The following BBIP1 variants were observed in gnomAD, a reference collection of about 807,000 sequenced individuals.
BBIP1 encodes the protein BBSome interacting protein 1.
BBIP1 carries 6 observed loss-of-function variants against 8.9 expected under a neutral mutation model. The ratio of observed to expected loss-of-function variants is 0.67; its 90% CI spans 0.37 to 1.33. The LOEUF (loss-of-function observed/expected upper bound fraction) is 1.33, where lower values mean the gene tolerates loss of function less well. BBIP1 is among the 40% of genes most tolerant of loss of function. The probability of loss-of-function intolerance (pLI) is 0.02; values close to 1 mark genes in which losing one functional copy is unlikely to be tolerated. For missense variants in BBIP1, 111 were observed against 109.2 expected, an observed-to-expected ratio of 1.02 and a Z score of -0.07; for synonymous variants, 32 against 33.4, an observed-to-expected ratio of 0.96 and a Z score of 0.14.
intron 2 of BBIP1, chr10:110,907,943 T>A (rs553410315): frequency 1.8e-6 from 1 of 566,446 alleles, no homozygotes; most frequent in South Asian, 2.3e-5. Flanking sequence ...GAGTATATAT[T>A]GTTTCCTAAA....
intron 3 of BBIP1, chr10:110,901,108 A>G: frequency 4.4e-6 from 2 of 454,920 alleles, no homozygotes; most frequent in Non-Finnish European, 8.8e-6. Context: ...TAGGCAACAC[A>G]TTGAGATCCC....
Position 110,899,707 on chromosome 10 carries a change from G to C in BBIP1, c.*653C>G, listed in dbSNP as rs1324275923. On this transcript the variant is annotated 3_prime_UTR_variant, in exon 4 of 4. Transcript: ENST00000448814. ...AGCTACTTGGGAGGCTGAGGCAGGA[G>C]AATTGCTTGAACCTGGGAGGCAGAG... 6 of 151,856 alleles carry C rather than the reference G, an allele frequency of 4.0e-5. No individual in the cohort carries two copies. The highest frequency in any genetic ancestry group is 1.5e-4 in the African/African-American group (6 of 41,252). 9.4% of individuals were successfully genotyped at this position (151,856 alleles called of 1,614,324 possible).
chr10:110,907,923 CAG>C (rs1301345508), intron 2 of BBIP1: 5 of 593,968 alleles, frequency 8.4e-6, no homozygotes, highest in African/African-American at 3.8e-5. Context: ...ACATTTCAAA[CAG>C]GGGAGTTGAG....
At chr10:110,909,746 T>C (rs992303630) in intron 2 of BBIP1, among the ~76,000 whole-genome samples, 11 of 152,206 alleles carry the variant, frequency 7.2e-5, no homozygotes, top group East Asian at 1.9e-4. Flanking sequence ...AAATAAGCAC[T>C]GGACAGTAAA....
chr10:110,904,897 T>C (rs1846092811), intron 2 of BBIP1: 1 of 152,222 alleles, frequency 6.6e-6, no homozygotes, highest in African/African-American at 2.4e-5. Context: ...AAAATGAAAT[T>C]ATTCTTACAT....
At chr10:110,903,827 T>C (rs1846065711) in intron 2 of BBIP1, 1 of 152,244 alleles carries the variant, frequency 6.6e-6, no homozygotes, top group Admixed American at 6.5e-5. Context: ...TACATGTTAC[T>C]GTACTGAATA....
chr10:110,908,128 G>A, intron 2 of BBIP1: 1 of 176,786 alleles, frequency 5.7e-6, no homozygotes, highest in Non-Finnish European at 1.2e-5. Context: ...TTTGAAATTA[G>A]TAAAAGCTGT....
Position 110,900,489 on chromosome 10 carries a change from C to T in BBIP1, c.150G>A (p.Leu50=), listed in dbSNP as rs767511014. ...TTAAGGGTAAAAGTTTGGGTTTACA[C>T]AGCACCATTGTCATTATATCTTCCA... ...LFVEDIMTMV[L]CKPKLLPLKS... Residue 50 remains leucine (L), a synonymous_variant, in exon 4 of 4, where the codon CTG becomes CTA. Transcript: ENST00000448814. The T allele has an allele frequency of 1.8e-5, 28 of 1,535,494 alleles. 1 individual carries two copies. Among genetic ancestry groups the T allele is most frequent in the South Asian group, 1.8e-4 (15 of 84,006 alleles).
intron 2 of BBIP1, chr10:110,908,032 A>T (rs1264532801): frequency 1.1e-5 from 4 of 378,284 alleles, no homozygotes; most frequent in Non-Finnish European, 1.9e-5. Context: ...TTCCTAGGGC[A>T]ATGTCACTTT....
intron 3 of BBIP1, 109 bp downstream of exon 3, chr10:110,901,429 G>A (rs1845999371): frequency 1.1e-5 from 8 of 743,982 alleles, no homozygotes; most frequent in South Asian, 4.5e-5. Flanking sequence ...GAGATAATAC[G>A]GAACACAATA....
At chr10:110,904,925 T>C (rs977242895) in intron 2 of BBIP1, 3 of 152,256 alleles carry the variant, frequency 2.0e-5, no homozygotes, top group Admixed American at 6.5e-5. Context: ...ACCAAACTTA[T>C]AATGCTCACA....
At chr10:110,914,704 T>C (rs995808641) in intron 2 of BBIP1, among the ~76,000 whole-genome samples, 5 of 152,206 alleles carry the variant, frequency 3.3e-5, no homozygotes, top group Non-Finnish European at 7.3e-5. Flanking sequence ...ATTTAGCTAA[T>C]TAATTCAAGC....
chr10:110,904,445 C>T (rs1431910367), intron 2 of BBIP1: 1 of 152,158 alleles, frequency 6.6e-6, no homozygotes, highest in Non-Finnish European at 1.5e-5. Context: ...AGAAGAAAAT[C>T]ATGATGACCT....
At chr10:110,902,938 G>C (rs575179444) in intron 2 of BBIP1, 23 of 150,006 alleles carry the variant, frequency 1.5e-4, no homozygotes, top group African/African-American at 4.9e-4. Flanking sequence ...TTTTTTTCCA[G>C]GTTAGGATGA....
intron 2 of BBIP1, chr10:110,907,842 A>G (rs1846183669): frequency 1.5e-6 from 1 of 682,276 alleles, no homozygotes; most frequent in Admixed American, 2.3e-5. Flanking sequence ...AAGCCCTGGG[A>G]AGGAAAAAAG....
chr10:110,901,710 T>C, intron 2 of BBIP1, 98 bp from the exon 3 acceptor site: 1 of 912,694 alleles, frequency 1.1e-6, no homozygotes, highest in Middle Eastern at 2.1e-4. Flanking sequence ...CAAATTCCTA[T>C]AGAAAGTGAA....
At chr10:110,901,892 A>G in intron 2 of BBIP1, 2 of 372,522 alleles carry the variant, frequency 5.4e-6, no homozygotes, top group South Asian at 6.0e-5. Flanking sequence ...TCAGTTTTTA[A>G]GGCAAAGATG....
At chr10:110,908,512 C>T (rs1428752423) in intron 2 of BBIP1, among the ~76,000 whole-genome samples, 1 of 152,182 alleles carries the variant, frequency 6.6e-6, no homozygotes, top group Admixed American at 6.5e-5. Flanking sequence ...TTTAATTCAG[C>T]ATCAAACTTA....
rs147607069 is a variant in BBIP1 at position 110,904,439 on chromosome 10, G to A, written c.38-2827C>T. ...GGGGGTGGTATTTCAGTTTTAAGAA[G>A]AAAATCATGATGACCTCATTAAGAA... On this transcript the variant is annotated intron_variant, in intron 2 of 3. Coordinates refer to ENST00000448814, the MANE Select transcript of BBIP1 (RefSeq NM_001195305.3). 240 of 152,286 alleles carry A rather than the reference G, an allele frequency of 1.6e-3. 3 individuals carry two copies. The highest frequency in any genetic ancestry group is 5.7e-3 in the African/African-American group (236 of 41,558). The allele number at this position is 152,286 out of a possible 1,614,324, so 9.4% of individuals were successfully genotyped here. A position where few individuals can be genotyped will look rare whatever the true frequency, so the allele number is the denominator to read the frequency against.
Sources: allele counts gnomAD v4.1 joint callset (sites outside exome capture counted in the v4.1 genomes callset), GRCh38; gene constraint gnomAD v4.1.1; transcripts MANE v1.5; gene names NCBI Gene and HGNC (gene_info 2026-07-23, HGNC 2026-07-21).